The following IL12RB1 variants were observed in gnomAD, a reference collection of about 807,000 sequenced individuals.
The protein encoded by IL12RB1 is interleukin 12 receptor subunit beta 1.
Under a neutral mutation model 94.4 loss-of-function variants are expected in IL12RB1, and 64 were observed. The ratio of observed to expected loss-of-function variants is 0.68; its 90% confidence interval spans 0.55 to 0.83. IL12RB1 has a LOEUF of 0.83. Among genes scored for constraint, IL12RB1 ranks in the 40% least tolerant of loss-of-function variants. The probability of loss-of-function intolerance (pLI) is 0.00; values close to 1 mark genes in which losing one functional copy is unlikely to be tolerated. For synonymous variants in IL12RB1, 362 were observed against 355.5 expected, an observed-to-expected ratio of 1.02 and a Z score of -0.21; for missense variants, 814 against 855.6, an observed-to-expected ratio of 0.95 and a Z score of 0.61.
chr19:18,064,174 C>T (rs1467478284), intron 12 of IL12RB1, among the ~76,000 whole-genome samples, 164 bp from the exon 13 acceptor site: 3 of 133,798 alleles, frequency 2.2e-5, no homozygotes, highest in Admixed American at 8.2e-5. Flanking sequence ...GAGTCTTGCT[C>T]TGTCGCCCAG....
chr19:18,060,513 C>T (rs897222955), intron 15 of IL12RB1, among the ~76,000 whole-genome samples: 1 of 152,240 alleles, frequency 6.6e-6, no homozygotes, highest in South Asian at 2.1e-4. Context: ...GTCTGCCGCA[C>T]TGACTCCCAT....
chr19:18,098,366 G>C (rs961870963), intron 1 of IL12RB1, among the ~76,000 whole-genome samples: 2 of 127,604 alleles, frequency 1.6e-5, no homozygotes, highest in Non-Finnish European at 3.6e-5. Context: ...CGCCTAGCTG[G>C]GATTCGATCT....
chr19:18,069,830 C>A, intron 9 of IL12RB1, 117 bp from the exon 10 acceptor site: 1 of 770,942 alleles, frequency 1.3e-6, no homozygotes, highest in South Asian at 1.5e-5. Flanking sequence ...CCCTACAGGG[C>A]CAGGGGTGTC....
intron 12 of IL12RB1, among the ~76,000 whole-genome samples, chr19:18,064,811 G>C (rs2034458347): frequency 6.6e-6 from 1 of 152,086 alleles, no homozygotes; most frequent in South Asian, 2.1e-4. Context: ...TCTGAGGTTG[G>C]AGGCAGGATT....
chr19:18,097,591 C>T (rs1231340650), intron 1 of IL12RB1, among the ~76,000 whole-genome samples: 1 of 152,222 alleles, frequency 6.6e-6, no homozygotes, highest in Non-Finnish European at 1.5e-5. Context: ...TGAGAGGATT[C>T]ATGCAAAATA....
At chr19:18,087,029 G>T, upstream of IL12RB1, 1 of 1,038,288 alleles carries the variant, frequency 9.6e-7, no homozygotes, top group Non-Finnish European at 1.4e-6. Context: ...GCTCCGTGGT[G>T]GTGGTGATGG....
chr19:18,076,822 A>G (rs1344768798), intron 5 of IL12RB1, among the ~76,000 whole-genome samples: 5 of 152,276 alleles, frequency 3.3e-5, no homozygotes, highest in African/African-American at 9.6e-5. Context: ...AAAAATTATT[A>G]TAACTAAATT....
intron 12 of IL12RB1, among the ~76,000 whole-genome samples, chr19:18,066,252 C>T (rs2034572158): frequency 6.6e-6 from 1 of 151,998 alleles, no homozygotes; most frequent in Non-Finnish European, 1.5e-5. Context: ...GAATTACAGG[C>T]ATGTGCCACC....
intron 10 of IL12RB1, 83 bp downstream of exon 10, chr19:18,069,463 C>T (rs2034846294): frequency 7.7e-7 from 1 of 1,300,192 alleles, no homozygotes; most frequent in African/African-American, 1.5e-5. Flanking sequence ...CCGCTGTGTG[C>T]CTTCCCTGCA....
chr19:18,076,010 G>T, intron 6 of IL12RB1, 142 bp from the exon 7 acceptor site: 1 of 818,236 alleles, frequency 1.2e-6, no homozygotes, highest in Non-Finnish European at 2.1e-6. Flanking sequence ...AAGCAGGCCA[G>T]GCCCTGTCCT....
chr19:18,062,394 G>C (rs772025627), intron 13 of IL12RB1, 117 bp from the exon 14 acceptor site: 8 of 622,466 alleles, frequency 1.3e-5, no homozygotes, highest in Admixed American at 2.9e-5. Context: ...CACATGCCAC[G>C]GGCTTCTCAC....
chr19:18,077,820 G>A (rs916239282), intron 4 of IL12RB1, among the ~76,000 whole-genome samples, 165 bp from the exon 5 acceptor site: 5 of 152,188 alleles, frequency 3.3e-5, no homozygotes, highest in African/African-American at 1.2e-4. Context: ...AAAAAGTCAA[G>A]ATTTATACAC....
upstream of IL12RB1, among the ~76,000 whole-genome samples, chr19:18,090,277 CGA>C (rs10569929): frequency 0.17 from 25,810 of 151,904 alleles, 2,259 homozygotes; most frequent in Non-Finnish European, 0.2. Flanking sequence ...CCAGGGAGGT[CGA>C]GACTGCAGTG....
chr19:18,075,853 G>C lies in IL12RB1; in HGVS notation c.596C>G (p.Pro199Arg), dbSNP rs201652727. 1.3e-4 allele frequency: 203 copies of C among 1,613,228 alleles called. No homozygotes were observed. Among genetic ancestry groups the C allele is most frequent in the Non-Finnish European group, 1.7e-4 (200 of 1,179,302 alleles). ...QDDDTESCLC[P>R]LEMNVAQEFQ... is the part of the protein sequence containing the mutation. The stretch of plus-strand genomic sequence containing the variant: ...TTCCTGGGCCACATTCATCTCCAGG[G>C]GGCAGAGGCAGGACTCTGGGGAGAG... The change falls in exon 7 of 17, where the codon CCC becomes CGC. Residue 199 changes from proline (P) to arginine (R), a missense_variant. Coordinates refer to ENST00000593993, the MANE Select transcript of IL12RB1 (RefSeq NM_005535.3).
At chr19:18,088,170 G>A (rs1484696812), upstream of IL12RB1, among the ~76,000 whole-genome samples, 11 of 151,870 alleles carry the variant, frequency 7.2e-5, no homozygotes, top group Non-Finnish European at 1.0e-4. Context: ...GGTGGATCAC[G>A]AGGTCAGGAG....
At chr19:18,093,270 C>A (rs555462184) in intron 1 of IL12RB1, among the ~76,000 whole-genome samples, 1 of 151,804 alleles carries the variant, frequency 6.6e-6, no homozygotes, top group Non-Finnish European at 1.5e-5. Flanking sequence ...TGCTCCACTG[C>A]ACTTCAGCCT....
chr19:18,062,856 C>G (rs1043688741), intron 13 of IL12RB1, among the ~76,000 whole-genome samples: 1 of 151,662 alleles, frequency 6.6e-6, no homozygotes, highest in African/African-American at 2.4e-5. Flanking sequence ...CCTGCCTGCC[C>G]CCCACCAACC....
intron 16 of IL12RB1, 61 bp from the exon 17 acceptor site, chr19:18,059,674 T>C (rs1156729695): frequency 7.7e-6 from 6 of 779,084 alleles, no homozygotes; most frequent in Non-Finnish European, 1.4e-5. Context: ...TGGTAGGGAA[T>C]CATGTGAGTG....
intron 12 of IL12RB1, among the ~76,000 whole-genome samples, chr19:18,064,721 G>C (rs1004165656): frequency 6.6e-6 from 1 of 151,484 alleles, no homozygotes; most frequent in African/African-American, 2.4e-5. Flanking sequence ...TGATCCGCCC[G>C]CCTCAGCCTC....
Sources: gnomAD v4.1 joint callset for allele counts (sites outside exome capture counted in the v4.1 genomes callset) on GRCh38, gnomAD v4.1.1 for gene constraint, MANE v1.5 for transcripts, NCBI Gene and HGNC (gene_info 2026-07-23, HGNC 2026-07-21) for gene names.